MLST8: variants seen among roughly 807,000 people sequenced by gnomAD.
MLST8 encodes the protein target of rapamycin complex subunit LST8.
Under a neutral mutation model 41.3 loss-of-function variants are expected in MLST8, and 20 were observed. The observed-to-expected ratio is 0.48, with a 90% confidence interval of 0.34 to 0.70. MLST8 has a LOEUF of 0.70. Among genes scored for constraint, MLST8 ranks in the 30% least tolerant of loss-of-function variants. MLST8 has a pLI of 0.01. For missense variants in MLST8, 422 were observed against 454.3 expected, an observed-to-expected ratio of 0.93 and a Z score of 0.65; for synonymous variants, 243 against 183.0, an observed-to-expected ratio of 1.33 and a Z score of -2.65.
Position 2,208,771 on chromosome 16 carries a change from A to G in MLST8, c.875A>G (p.Asn292Ser), listed in dbSNP as rs756116009. The G allele has an allele frequency of 3.7e-6, 6 of 1,613,702 alleles. No homozygotes were observed. Among genetic ancestry groups the G allele is most frequent in the Non-Finnish European group, 5.1e-6 (6 of 1,179,882 alleles). The change falls in exon 9 of 9, where the codon AAC becomes AGC. Residue 292 changes from asparagine to serine, a missense_variant. By Grantham distance (46) the Asn-to-Ser change is conservative. Transcript: ENST00000569417. ...TCTCCCCCTCCAGCTTCCTCGGACA[A>G]CCTGGCCCGGCTCTGGTGTGTGGAG... is the stretch of plus-strand genomic sequence containing the variant. Reference protein sequence around the residue: ...SQYIVTASSDNLARLWCVETG... With the variant: ...SQYIVTASSDSLARLWCVETG...
At position 2,208,980 on chromosome 16, in the gene MLST8, GGACCTGATGGCCCCCTGTGGCGCCTT is replaced by G; in HGVS notation, c.*110_*135del. 7.8e-7 allele frequency: 1 copy of G among 1,286,932 alleles called. No homozygotes were observed. Among genetic ancestry groups the G allele is most frequent in the Non-Finnish European group, 1.1e-6 (1 of 907,130 alleles). The allele number at this position is 1,286,932 out of a possible 1,614,324, so 79.7% of individuals were successfully genotyped here. On this transcript the variant is annotated 3_prime_UTR_variant, in exon 9 of 9. Coordinates refer to ENST00000569417, the MANE Select transcript of MLST8 (RefSeq NM_022372.6). ...CCTCCCCTGCCGGCCTGCGCCAGCT[GGACCTGATGGCCCCCTGTGGCGCCTT>G]GACCTGCTGGGCCAGGCTGCCCTGG...
At chr16:2,205,940 AATG>A (rs2093277130) in intron 1 of MLST8, 88 bp from the exon 2 acceptor site, 15 of 1,443,494 alleles carry the variant, frequency 1.0e-5, no homozygotes, top group East Asian at 2.4e-5. Flanking sequence ...CTAAAATGGG[AATG>A]ATAAGCGCCA....
rs756940448 is a variant in MLST8 at position 2,209,355 on chromosome 16, C to A, written c.*478C>A. 1 of 1,607,980 alleles carries A rather than the reference C, an allele frequency of 6.2e-7. No individual in the cohort carries two copies. The highest frequency in any genetic ancestry group is 1.3e-5 in the African/African-American group (1 of 74,824). On this transcript the variant is annotated 3_prime_UTR_variant, in exon 9 of 9. Coordinates refer to ENST00000569417, the MANE Select transcript of MLST8 (RefSeq NM_022372.6). ...GGGGACGGGCCAGGCTGGGCCAGGT[C>A]GGGGGCTCAGTCTGGGAGGTAATAA...
In MLST8 at chr16:2,208,616, G is replaced by A. The variant is rs201698211; in HGVS notation, c.862+3G>A. ...GGACTCCCAGTACATCGTCACTGGT[G>A]AGCCCCGCCCTGGCCTCCCCCATCC... On this transcript the variant is annotated splice_donor_region_variant and intron_variant, in intron 8 of 8. Coordinates refer to ENST00000569417, the MANE Select transcript of MLST8 (RefSeq NM_022372.6). 60 of 1,612,024 alleles carry A rather than the reference G, an allele frequency of 3.7e-5. No individual in the cohort carries two copies. The highest frequency in any genetic ancestry group is 4.7e-5 in the Non-Finnish European group (56 of 1,179,484).
intron 1 of MLST8, 198 bp downstream of exon 1, chr16:2,205,710 T>C (rs569403965): frequency 2.0e-6 from 2 of 998,992 alleles, no homozygotes; most frequent in East Asian, 2.1e-4. Flanking sequence ...AGCGCTCGGC[T>C]TTCCCCGGCC....
Position 2,208,991 on chromosome 16 carries a change from C to A in MLST8, c.*114C>A. ...GGCCTGCGCCAGCTGGACCTGATGG[C>A]CCCCTGTGGCGCCTTGACCTGCTGG... is the stretch of plus-strand genomic sequence containing the variant. On this transcript the variant is annotated 3_prime_UTR_variant, in exon 9 of 9. Coordinates refer to ENST00000569417, the MANE Select transcript of MLST8 (RefSeq NM_022372.6). 2 of 1,178,834 alleles carry A rather than the reference C, an allele frequency of 1.7e-6. No individual in the cohort carries two copies. The highest frequency in any genetic ancestry group is 1.2e-6 in the Non-Finnish European group (1 of 813,716). The allele number at this position is 1,178,834 out of a possible 1,614,324, so 73.0% of individuals were successfully genotyped here. A position where few individuals can be genotyped will look rare whatever the true frequency, so the allele number is the denominator to read the frequency against.
chr16:2,208,105 G>T (rs970736245), intron 6 of MLST8, 105 bp from the exon 7 acceptor site: 9 of 1,383,796 alleles, frequency 6.5e-6, no homozygotes, highest in Non-Finnish European at 5.8e-6. Context: ...CCTCACCCGG[G>T]GTCCCCATGC....
Position 2,209,349 on chromosome 16 carries a change from C to A in MLST8, c.*472C>A. 6.2e-7 allele frequency: 1 copy of A among 1,606,150 alleles called. No individual in the cohort carries two copies. The highest frequency in any genetic ancestry group is 8.5e-7 in the Non-Finnish European group (1 of 1,174,448). ...TGGATTGGGGACGGGCCAGGCTGGGCCAGGTCGGGGGCTCAGTCTGGGAGG... is the reference window on the plus strand; with the variant it reads ...TGGATTGGGGACGGGCCAGGCTGGGACAGGTCGGGGGCTCAGTCTGGGAGG... On this transcript the variant is annotated 3_prime_UTR_variant, in exon 9 of 9. Transcript: ENST00000569417.
At chr16:2,206,244 C>T in intron 2 of MLST8, 30 bp downstream of exon 2, 1 of 1,600,512 alleles carries the variant, frequency 6.2e-7, no homozygotes, top group Non-Finnish European at 8.5e-7. Context: ...GGCAGGGCGG[C>T]GCTGGGGGGA....
At chr16:2,208,367 C>T (rs1348631240) in intron 7 of MLST8, 33 bp downstream of exon 7, 3 of 1,604,966 alleles carry the variant, frequency 1.9e-6, no homozygotes, top group East Asian at 4.5e-5. Context: ...CGGGAGGGGA[C>T]CTGCCTGGGC....
chr16:2,208,166 A>G (rs1236684619), intron 6 of MLST8, 44 bp from the exon 7 acceptor site: 1 of 1,564,178 alleles, frequency 6.4e-7, no homozygotes, highest in Admixed American at 1.8e-5. Context: ...TGTGTCTCAG[A>G]CCTGAGGCCT....
Position 2,207,350 on chromosome 16 carries a change from G to A in MLST8, c.573+5G>A, listed in dbSNP as rs1290360078. 2.5e-6 allele frequency: 4 copies of A among 1,612,988 alleles called. No individual in the cohort carries two copies. The highest frequency in any genetic ancestry group is 3.4e-6 in the Non-Finnish European group (4 of 1,179,254). On this transcript the variant is annotated splice_donor_5th_base_variant and intron_variant, in intron 6 of 8. Transcript: ENST00000569417. The stretch of plus-strand genomic sequence containing the variant: ...ATGGCAGCTGTCAATAGCACCGTGA[G>A]TCCTGGTGGCAGGTGCTGGGTGCGG...
intron 6 of MLST8, 95 bp from the exon 7 acceptor site, chr16:2,208,115 C>A (rs2093332192): frequency 1.4e-6 from 2 of 1,451,332 alleles, no homozygotes; most frequent in Admixed American, 2.2e-5. Flanking sequence ...GGTCCCCATG[C>A]ACAGTTGGCC....
At position 2,208,960 on chromosome 16, in the gene MLST8, C is replaced by T; in HGVS notation, c.*83C>T. ...GCACCCAGGTCAGAGCAGACCCTCC[C>T]CTGCCGGCCTGCGCCAGCTGGACCT... On this transcript the variant is annotated 3_prime_UTR_variant, in exon 9 of 9. Transcript: ENST00000569417. 1.4e-6 allele frequency: 2 copies of T among 1,458,594 alleles called. No homozygotes were observed. Among genetic ancestry groups the T allele is most frequent in the Non-Finnish European group, 1.9e-6 (2 of 1,055,692 alleles). The allele number at this position is 1,458,594 out of a possible 1,614,324, so 90.4% of individuals were successfully genotyped here. A position where few individuals can be genotyped will look rare whatever the true frequency, so the allele number is the denominator to read the frequency against.
At position 2,207,276 on chromosome 16, in the gene MLST8, G is replaced by A. The variant is rs763698399; in HGVS notation, c.504G>A (p.Glu168=). 5.0e-6 allele frequency: 8 copies of A among 1,614,154 alleles called. No individual in the cohort carries two copies. Among genetic ancestry groups the A allele is most frequent in the Non-Finnish European group, 6.8e-6 (8 of 1,180,012 alleles). Residue 168 remains glutamate, a synonymous_variant, in exon 6 of 9, where the codon GAG becomes GAA. Transcript: ENST00000569417. ...KTDHNEQLIP[E]PEVSITSAHI... ...ACCACAACGAGCAGCTGATCCCTGA[G>A]CCCGAGGTCTCCATCACGTCCGCCC...
chr16:2,209,411 A>T lies in MLST8; in HGVS notation c.*534A>T, dbSNP rs758868939. 6.2e-7 allele frequency: 1 copy of T among 1,613,664 alleles called. No individual in the cohort carries two copies. The highest frequency in any genetic ancestry group is 2.2e-5 in the East Asian group (1 of 44,884). On this transcript the variant is annotated 3_prime_UTR_variant, in exon 9 of 9. Coordinates refer to ENST00000569417, the MANE Select transcript of MLST8 (RefSeq NM_022372.6). The stretch of plus-strand genomic sequence containing the variant: ...GACCGACACGCAGATGTTGCTCGGG[A>T]AGCAGATGTCGATGCAGAGATAAAT...
chr16:2,208,502 A>C lies in MLST8; in HGVS notation c.751A>C (p.Asn251His). 3 of 1,613,280 alleles carry C rather than the reference A, an allele frequency of 1.9e-6. No homozygotes were observed. Among genetic ancestry groups the C allele is most frequent in the Non-Finnish European group, 8.5e-7 (1 of 1,179,910 alleles). The change falls in exon 8 of 9, where the codon AAC (asparagine) becomes CAC (histidine). Residue 251 changes from asparagine to histidine, a missense_variant. Coordinates refer to ENST00000569417, the MANE Select transcript of MLST8 (RefSeq NM_022372.6). ...GACGTGCAAGATCTGGAGGACGTCC[A>C]ACTTCTCCCTGATGACGGAGCTGAG... The part of the protein sequence containing the change: ...DQTCKIWRTS[N>H]FSLMTELSIK...
At position 2,209,442 on chromosome 16, in the gene MLST8, G is replaced by A. The variant is rs146244160; in HGVS notation, c.*565G>A. ...ATGTCGATGCAGAGATAAATCAGCC[G>A]CTGTCTCCGGGGCCCTGTGGCGAGG... On this transcript the variant is annotated 3_prime_UTR_variant, in exon 9 of 9. Coordinates refer to ENST00000569417, the MANE Select transcript of MLST8 (RefSeq NM_022372.6). 5.1e-5 allele frequency: 83 copies of A among 1,613,614 alleles called. No homozygotes were observed. The highest frequency in any genetic ancestry group is 2.2e-4 in the East Asian group (10 of 44,894).
chr16:2,205,718 G>T (rs2093268470), intron 1 of MLST8: 1 of 1,003,094 alleles, frequency 1.0e-6, no homozygotes, highest in Admixed American at 6.0e-5. Flanking sequence ...GCTTTCCCCG[G>T]CCCATCCGCC....
Sources: gnomAD v4.1 joint callset for allele counts on GRCh38, gnomAD v4.1.1 for gene constraint, MANE v1.5 for transcripts, NCBI Gene and HGNC (gene_info 2026-07-23, HGNC 2026-07-21) for gene names.